IKZF3: variants seen among roughly 807,000 people sequenced by gnomAD.
IKZF3 encodes IKAROS family zinc finger 3, also known as zinc finger protein Aiolos.
Under a neutral mutation model 49.0 loss-of-function variants are expected in IKZF3, and 10 were observed. The observed-to-expected ratio is 0.20, with a 90% CI of 0.13 to 0.35. IKZF3 has a LOEUF of 0.35. IKZF3 is among the 10% of genes least tolerant of loss of function. The pLI, the probability that IKZF3 is intolerant of heterozygous loss-of-function variation, is 1.00. For synonymous variants in IKZF3, 209 were observed against 228.2 expected (o/e 0.92, Z 0.76); for missense variants, 498 against 664.8 (o/e 0.75, Z 2.76).
intron 1 of IKZF3, 32 bp downstream of exon 1, chr17:39,864,087 AC>A: frequency 6.2e-7 from 1 of 1,612,886 alleles, no homozygotes; most frequent in Non-Finnish European, 8.5e-7. Context: ...TTTCTCAAAG[AC>A]CCCGGAGAAA....
chr17:39,840,701 A>C (rs1334450208), intron 1 of IKZF3, among the ~76,000 whole-genome samples: 4 of 152,244 alleles, frequency 2.6e-5, no homozygotes, highest in Admixed American at 1.3e-4. Flanking sequence ...ACAAAGCATA[A>C]AGGCAGGGGA....
At chr17:39,842,428 C>A (rs896786750) in intron 1 of IKZF3, among the ~76,000 whole-genome samples, 2 of 152,134 alleles carry the variant, frequency 1.3e-5, no homozygotes, top group Non-Finnish European at 2.9e-5. Context: ...ACTGGGGTGG[C>A]TAAGGCATGA....
chr17:39,850,330 A>G (rs2062778382), intron 1 of IKZF3, among the ~76,000 whole-genome samples: 1 of 138,900 alleles, frequency 7.2e-6, no homozygotes, highest in South Asian at 2.2e-4. Context: ...TATAATATAT[A>G]GCATATTATA....
At chr17:39,853,829 C>T (rs2062955366) in intron 1 of IKZF3, among the ~76,000 whole-genome samples, 1 of 146,652 alleles carries the variant, frequency 6.8e-6, no homozygotes, top group African/African-American at 2.6e-5. Flanking sequence ...AGCGAAACTC[C>T]GTCTAAAAAA....
intron 7 of IKZF3, among the ~76,000 whole-genome samples, chr17:39,767,996 G>A (rs545271724): frequency 2.6e-5 from 4 of 152,246 alleles, no homozygotes; most frequent in African/African-American, 9.6e-5. Context: ...AGATTGTAGT[G>A]AGCTGAGATG....
At chr17:39,837,801 G>A (rs962923445) in intron 1 of IKZF3, among the ~76,000 whole-genome samples, 1 of 151,806 alleles carries the variant, frequency 6.6e-6, no homozygotes, top group African/African-American at 2.4e-5. Flanking sequence ...ACCATGCCTG[G>A]CTAATTTTTG....
At chr17:39,793,596 T>C (rs866179342) in intron 3 of IKZF3, among the ~76,000 whole-genome samples, 1 of 152,234 alleles carries the variant, frequency 6.6e-6, no homozygotes, top group Non-Finnish European at 1.5e-5. Context: ...TTCTTTCATA[T>C]AACCTAAGGA....
chr17:39,862,619 G>A (rs2063244657), intron 1 of IKZF3, among the ~76,000 whole-genome samples: 1 of 152,100 alleles, frequency 6.6e-6, no homozygotes, highest in Non-Finnish European at 1.5e-5. Flanking sequence ...AAATGTTAAA[G>A]TTTTTTCATT....
intron 3 of IKZF3, among the ~76,000 whole-genome samples, chr17:39,821,016 A>G (rs886468840): frequency 1.3e-5 from 2 of 152,052 alleles, no homozygotes; most frequent in African/African-American, 4.8e-5. Context: ...CCTGAGTTGT[A>G]TCTTTTATAA....
intron 3 of IKZF3, among the ~76,000 whole-genome samples, chr17:39,825,825 G>C (rs761837220): frequency 2.0e-5 from 3 of 152,156 alleles, no homozygotes; most frequent in African/African-American, 4.8e-5. Context: ...CTAATGGGGA[G>C]AGCATTGCCC....
chr17:39,769,070 TC>T (rs1363626298), intron 7 of IKZF3, among the ~76,000 whole-genome samples: 1 of 152,300 alleles, frequency 6.6e-6, no homozygotes, highest in East Asian at 1.9e-4. Context: ...AAAATAATTA[TC>T]CTGCTGTGTG....
chr17:39,863,199 T>G (rs1294843915), intron 1 of IKZF3, among the ~76,000 whole-genome samples: 1 of 152,152 alleles, frequency 6.6e-6, no homozygotes, highest in Non-Finnish European at 1.5e-5. Flanking sequence ...CAAGCCCTAA[T>G]TAAAAAAATT....
chr17:39,802,909 C>A (rs2061355048), intron 3 of IKZF3, among the ~76,000 whole-genome samples: 1 of 151,804 alleles, frequency 6.6e-6, no homozygotes, highest in South Asian at 2.1e-4. Context: ...TAAAAAGTTT[C>A]ATTTGCAAAG....
intron 3 of IKZF3, among the ~76,000 whole-genome samples, chr17:39,827,023 A>C (rs1475099656): frequency 1.3e-5 from 2 of 152,096 alleles, no homozygotes; most frequent in Non-Finnish European, 2.9e-5. Flanking sequence ...TTTGAGATGG[A>C]GTCTTACTGT....
At chr17:39,810,413 T>C (rs2061523552) in intron 3 of IKZF3, among the ~76,000 whole-genome samples, 1 of 152,128 alleles carries the variant, frequency 6.6e-6, no homozygotes. Context: ...TTCAAATGTA[T>C]CTACTTAGGA....
intron 1 of IKZF3, chr17:39,835,020 T>C: frequency 4.9e-6 from 2 of 412,052 alleles, no homozygotes; most frequent in East Asian, 1.2e-4. Context: ...GGTCTTGATC[T>C]TCTTCACAAC....
chr17:39,827,278 T>C (rs1048117853), intron 3 of IKZF3, among the ~76,000 whole-genome samples: 7 of 151,468 alleles, frequency 4.6e-5, no homozygotes, highest in Non-Finnish European at 1.0e-4. Context: ...ATTACAGGTG[T>C]GAGTCACCAC....
At chr17:39,805,305 GT>G (rs1200727765) in intron 3 of IKZF3, among the ~76,000 whole-genome samples, 1 of 152,174 alleles carries the variant, frequency 6.6e-6, no homozygotes, top group Non-Finnish European at 1.5e-5. Context: ...GGTTGACAGT[GT>G]TTTTAAAAAT....
Position 39,849,551 on chromosome 17 carries a change from C to T in IKZF3, c.7+14569G>A, listed in dbSNP as rs569655758. Among the ~76,000 whole-genome samples, 5 of 152,130 alleles carry T rather than the reference C, an allele frequency of 3.3e-5. No individual in the cohort carries two copies. The South Asian group carries it at 1.0e-3, about 32-fold the overall frequency. On this transcript the variant is annotated intron_variant, in intron 1 of 7. Coordinates refer to ENST00000346872, the MANE Select transcript of IKZF3 (RefSeq NM_012481.5). ...GTAGTCACCTGTAATCCCAGCTACT[C>T]AGGAGGCTGAGGCAGGAGAATCGCT...
Sources: gnomAD v4.1 joint callset for allele counts (sites outside exome capture counted in the v4.1 genomes callset) on GRCh38, gnomAD v4.1.1 for gene constraint, MANE v1.5 for transcripts, NCBI Gene and HGNC (gene_info 2026-07-23, HGNC 2026-07-21) for gene names.